ATP5MF: variants seen among roughly 807,000 people sequenced by gnomAD.
ATP5MF encodes the protein ATP synthase F(0) complex subunit f, mitochondrial.
ATP5MF carries 10 observed loss-of-function variants against 13.8 expected under a neutral mutation model. The ratio of observed to expected loss-of-function variants is 0.72; its 90% confidence interval spans 0.45 to 1.23. The LOEUF is 1.23. Ranked by LOEUF, ATP5MF falls within the 50% of genes most tolerant of loss-of-function variation. ATP5MF has a pLI of 0.00. For missense variants in ATP5MF, 122 were observed against 118.2 expected, an observed-to-expected ratio of 1.03 and a Z score of -0.15; for synonymous variants, 40 against 45.8, an observed-to-expected ratio of 0.87 and a Z score of 0.51.
chr7:99,459,378 C>G, intron 2 of ATP5MF, 115 bp from the exon 3 acceptor site: 1 of 766,644 alleles, frequency 1.3e-6, no homozygotes, highest in Non-Finnish European at 2.3e-6. Context: ...GCTGTTTAAG[C>G]CCCTCGCCCT....
chr7:99,465,406 C>T (rs1798826651), intron 1 of ATP5MF, among the ~76,000 whole-genome samples: 1 of 152,188 alleles, frequency 6.6e-6, no homozygotes, highest in Admixed American at 6.5e-5. Context: ...ATGGAATCGA[C>T]TTTCCCAACA....
At chr7:99,459,020 G>A (rs1798471171) in intron 3 of ATP5MF, 127 bp downstream of exon 3, 1 of 662,996 alleles carries the variant, frequency 1.5e-6, no homozygotes, top group East Asian at 2.7e-5. Flanking sequence ...TCTTTTAGGT[G>A]GAAACATAAG....
intron 1 of ATP5MF, among the ~76,000 whole-genome samples, chr7:99,464,242 C>G (rs1196900134): frequency 6.6e-6 from 1 of 152,262 alleles, no homozygotes; most frequent in African/African-American, 2.4e-5. Context: ...TCACTTTTCA[C>G]AGGTTGTCTC....
chr7:99,460,512 C>T (rs779019804), intron 1 of ATP5MF: 78 of 581,460 alleles, frequency 1.3e-4, no homozygotes, highest in Non-Finnish European at 9.6e-5. Flanking sequence ...TACTGCAAAG[C>T]TAACATTTAC....
chr7:99,463,764 A>T (rs1367957022), intron 1 of ATP5MF, among the ~76,000 whole-genome samples: 1 of 152,132 alleles, frequency 6.6e-6, no homozygotes, highest in African/African-American at 2.4e-5. Context: ...CGACAAAAGC[A>T]AGACTCCATC....
At chr7:99,464,955 A>C (rs1440635599) in intron 1 of ATP5MF, among the ~76,000 whole-genome samples, 7 of 148,488 alleles carry the variant, frequency 4.7e-5, no homozygotes, top group Admixed American at 1.3e-4. Flanking sequence ...ACAGCGTGAG[A>C]CTCCATGTCA....
At chr7:99,459,877 T>A in intron 2 of ATP5MF, 1 of 565,254 alleles carries the variant, frequency 1.8e-6, no homozygotes, top group Admixed American at 3.5e-5. Flanking sequence ...ACAGGAAACA[T>A]GTTCTTGGCT....
At chr7:99,458,492 G>A (rs1017106959) in intron 3 of ATP5MF, 137 bp from the exon 4 acceptor site, 1 of 872,074 alleles carries the variant, frequency 1.1e-6, no homozygotes, top group Non-Finnish European at 1.7e-6. Flanking sequence ...GCCTGCCGGT[G>A]TCTCTGCAGA....
At chr7:99,460,949 A>G (rs1798574238) in intron 1 of ATP5MF, among the ~76,000 whole-genome samples, 1 of 152,218 alleles carries the variant, frequency 6.6e-6, no homozygotes, top group Non-Finnish European at 1.5e-5. Flanking sequence ...AGAGATAAAA[A>G]TAAGAGATAA....
intron 3 of ATP5MF, 31 bp downstream of exon 3, chr7:99,459,116 A>C: frequency 1.3e-6 from 2 of 1,547,584 alleles, no homozygotes; most frequent in Non-Finnish European, 1.8e-6. Context: ...TCTCATGGGA[A>C]CTAAAGGCAA....
intron 2 of ATP5MF, chr7:99,459,632 G>A (rs1223812536): frequency 4.0e-6 from 1 of 250,450 alleles, no homozygotes; most frequent in Non-Finnish European, 7.8e-6. Context: ...TGCCTAGGCT[G>A]GTCTAAACTC....
At chr7:99,465,029 G>A (rs1798795292) in intron 1 of ATP5MF, among the ~76,000 whole-genome samples, 2 of 151,614 alleles carry the variant, frequency 1.3e-5, no homozygotes, top group Non-Finnish European at 2.9e-5. Flanking sequence ...GGAGGCCGAG[G>A]TACATGGATC....
At position 99,460,156 on chromosome 7, in the gene ATP5MF, C is replaced by A. The variant is rs747701024; in HGVS notation, c.69G>T (p.Leu23=). The change falls in exon 2 of 4, where the codon CTG becomes CTT. Residue 23 remains leucine (L), a synonymous_variant. Transcript: ENST00000292475. ...TCAAGATCCAGCTTGGCAGCTCCCC[C>A]AGTTTGACCTCCAGAAGTTTCTTGT... ...VKDKKLLEVK[L]GELPSWILMR... The A allele has an allele frequency of 1.2e-5, 19 of 1,614,098 alleles. No homozygotes were observed. Among genetic ancestry groups the A allele is most frequent in the East Asian group, 8.9e-5 (4 of 44,896 alleles).
intron 1 of ATP5MF, among the ~76,000 whole-genome samples, chr7:99,461,548 A>T (rs765165700): frequency 9.2e-5 from 14 of 152,076 alleles, no homozygotes; most frequent in Non-Finnish European, 2.1e-4. Context: ...CAGCCTCAAG[A>T]GTCTGCTGAG....
chr7:99,464,535 C>A (rs969252779), intron 1 of ATP5MF, among the ~76,000 whole-genome samples: 3 of 152,064 alleles, frequency 2.0e-5, no homozygotes, highest in Admixed American at 6.6e-5. Flanking sequence ...GGGTGGCGGG[C>A]GCCTGTAGTC....
At chr7:99,462,514 C>T (rs1798662388) in intron 1 of ATP5MF, among the ~76,000 whole-genome samples, 1 of 152,046 alleles carries the variant, frequency 6.6e-6, no homozygotes. Context: ...CGGTGGCTCA[C>T]GCCTGTAATC....
chr7:99,459,603 A>G (rs982787636), intron 2 of ATP5MF: 3 of 287,616 alleles, frequency 1.0e-5, no homozygotes, highest in South Asian at 3.8e-5. Context: ...TTTTTTATAG[A>G]GATGGGGTCT....
chr7:99,459,279 G>A lies in ATP5MF; in HGVS notation c.140-16C>T, dbSNP rs751773816. The stretch of plus-strand genomic sequence containing the variant: ...CGGTAGTAACCTGCAAACGCAAGAG[G>A]CGCTCACTGCCCTGCTGGGCTTCAC... On this transcript the variant is annotated splice_polypyrimidine_tract_variant and intron_variant, in intron 2 of 3. Coordinates refer to ENST00000292475, the MANE Select transcript of ATP5MF (RefSeq NM_004889.5). 6.3e-7 allele frequency: 1 copy of A among 1,578,020 alleles called. No homozygotes were observed. Among genetic ancestry groups the A allele is most frequent in the South Asian group, 1.1e-5 (1 of 90,394 alleles).
At chr7:99,460,692 C>T (rs1187777518) in intron 1 of ATP5MF, among the ~76,000 whole-genome samples, 1 of 152,180 alleles carries the variant, frequency 6.6e-6, no homozygotes, top group African/African-American at 2.4e-5. Flanking sequence ...TGAGGGTGCC[C>T]TGTCCAACCC....
Sources: allele counts gnomAD v4.1 joint callset (sites outside exome capture counted in the v4.1 genomes callset), GRCh38; gene constraint gnomAD v4.1.1; transcripts MANE v1.5; gene names NCBI Gene and HGNC (gene_info 2026-07-23, HGNC 2026-07-21).